PDHA1: variants seen among roughly 807,000 people sequenced by gnomAD.
PDHA1 encodes pyruvate dehydrogenase E1 subunit alpha 1.
A neutral mutation model predicts 33.0 loss-of-function variants in PDHA1; 1 was observed. That is an observed-to-expected ratio of 0.03 (90% CI 0.01 to 0.14). The LOEUF is 0.14. Among genes scored for constraint, PDHA1 ranks in the 10% least tolerant of loss-of-function variants. The pLI is 1.00. For synonymous variants in PDHA1, 123 were observed against 119.2 expected (o/e 1.03, Z -0.21); for missense variants, 168 against 325.1 (o/e 0.52, Z 3.72).
Position 19,343,966 on chromosome X carries a change from G to A in PDHA1, c.-72G>A, listed in dbSNP as rs778593749. ...GTGGCGTCTGCTGGGGCACCTGAAG[G>A]AGACTTGGGGGCACCCGCGTCGTGC... is the stretch of plus-strand genomic sequence containing the variant. On this transcript the variant is annotated 5_prime_UTR_variant, in exon 1 of 11. Transcript: ENST00000422285. The A allele has an allele frequency of 1.0e-6, 1 of 1,000,809 alleles. No homozygotes were observed. Among genetic ancestry groups the A allele is most frequent in the South Asian group, 2.0e-5 (1 of 51,204 alleles). 82.5% of individuals were successfully genotyped at this position (1,000,809 alleles called of 1,213,427 possible).
chrX:19,359,660 G>A lies in PDHA1; in HGVS notation c.*7G>A, dbSNP rs939163702. 1.7e-6 allele frequency: 2 copies of A among 1,201,078 alleles called. No homozygotes were observed. Among genetic ancestry groups the A allele is most frequent in the African/African-American group, 3.5e-5 (2 of 56,774 alleles). ...GTTTAAGTCAGTCAGTTAAGGGGAG[G>A]AGAAGGAGAGGTTATACCTTCAGGG... On this transcript the variant is annotated 3_prime_UTR_variant, in exon 11 of 11. Coordinates refer to ENST00000422285, the MANE Select transcript of PDHA1 (RefSeq NM_000284.4).
intron 8 of PDHA1, 70 bp downstream of exon 8, chrX:19,355,827 C>T: frequency 1.3e-6 from 1 of 785,498 alleles, no homozygotes. Flanking sequence ...TCCCATGTGC[C>T]TGCTGAAGCT....
rs2063192959 is a variant in PDHA1, at chrX:19,355,764, C to T, written c.831+7C>T. On this transcript the variant is annotated splice_region_variant and intron_variant, in intron 8 of 10. Coordinates refer to ENST00000422285, the MANE Select transcript of PDHA1 (RefSeq NM_000284.4). ...CTATTGTAGATCTGGGAAGGTAAGG[C>T]TCTAAAGCCCTCTGGGCTAGTGACA... 1 of 1,157,730 alleles carries T rather than the reference C, an allele frequency of 8.6e-7. No individual in the cohort carries two copies. The highest frequency in any genetic ancestry group is 2.2e-5 in the Admixed American group (1 of 45,861).
At chrX:19,355,316 C>G in intron 6 of PDHA1, 33 bp from the exon 7 acceptor site, 1 of 1,204,011 alleles carries the variant, frequency 8.3e-7, no homozygotes, top group Non-Finnish European at 1.1e-6. Context: ...GAGAAAGAAG[C>G]CAAATGAAAC....
intron 8 of PDHA1, 117 bp from the exon 9 acceptor site, chrX:19,357,535 T>C (rs778013969): frequency 3.5e-5 from 21 of 592,762 alleles, no homozygotes; most frequent in Admixed American, 1.8e-4. Context: ...ACTCAGAAGA[T>C]CTGATAAGAC....
rs1186419347 is a variant in PDHA1 at position 19,360,839 on chromosome X, A to C, written c.*1186A>C. On this transcript the variant is annotated 3_prime_UTR_variant, in exon 11 of 11. Coordinates refer to ENST00000422285, the MANE Select transcript of PDHA1 (RefSeq NM_000284.4). ...GTCTGCAGAGGAGACCACCCCTGGGAAACAAACACAGCTGTCTTCAGAGTC... is the reference window on the plus strand; with the variant it reads ...GTCTGCAGAGGAGACCACCCCTGGGCAACAAACACAGCTGTCTTCAGAGTC... The C allele has an allele frequency of 8.4e-7, 1 of 1,186,004 alleles. No individual in the cohort carries two copies. Among genetic ancestry groups the C allele is most frequent in the African/African-American group, 1.8e-5 (1 of 56,385 alleles).
Position 19,346,494 on chromosome X carries a change from A to AT in PDHA1, c.57+2410dup, listed in dbSNP as rs754393427. The AT allele has an allele frequency of 5.7e-3, 2,329 of 411,968 alleles. 19 individuals are homozygous for AT. The highest frequency in any genetic ancestry group is 0.036 in the South Asian group (814 of 22,669). The allele number at this position is 411,968 out of a possible 1,213,427, so 34.0% of individuals were successfully genotyped here. A position where few individuals can be genotyped will look rare whatever the true frequency, so the allele number is the denominator to read the frequency against. On this transcript the variant is annotated intron_variant, in intron 1 of 10. Coordinates refer to ENST00000422285, the MANE Select transcript of PDHA1 (RefSeq NM_000284.4). Reference sequence around the variant, plus strand: ...CCACCACACCCAGCCAATTAAAAAAATTTTTTTTTTACTAGAGACATGGTC... The same window carrying AT: ...CCACCACACCCAGCCAATTAAAAAAATTTTTTTTTTTACTAGAGACATGGTC...
At position 19,359,466 on chromosome X, in the gene PDHA1, T is replaced by C. The variant is rs5955760; in HGVS notation, c.1009-23T>C. Reference sequence around the variant, plus strand: ...AAGCTGCTGTTCATTCTAAAACCTTTTACACTGTTACCTAATTTTTAGGAA... The same window carrying C: ...AAGCTGCTGTTCATTCTAAAACCTTCTACACTGTTACCTAATTTTTAGGAA... On this transcript the variant is annotated intron_variant, in intron 10 of 10. Coordinates refer to ENST00000422285, the MANE Select transcript of PDHA1 (RefSeq NM_000284.4). 0.076 allele frequency: 90,172 copies of C among 1,191,427 alleles called. 10,795 individuals are homozygous for C. Among genetic ancestry groups the C allele is most frequent in the African/African-American group, 0.67 (37,650 of 56,263 alleles).
chrX:19,352,870 A>G, intron 4 of PDHA1: 1 of 457,477 alleles, frequency 2.2e-6, no homozygotes, highest in Non-Finnish European at 3.9e-6. Context: ...CTAAGTGACT[A>G]GAGAGTAGGA....
In PDHA1 at chrX:19,361,095, T is replaced by G; in HGVS notation, c.*1442T>G. The G allele has an allele frequency of 2.4e-6, 1 of 420,406 alleles. No homozygotes were observed. Among genetic ancestry groups the G allele is most frequent in the East Asian group, 3.9e-5 (1 of 25,437 alleles). The allele number at this position is 420,406 out of a possible 1,213,427, so 34.6% of individuals were successfully genotyped here. A position where few individuals can be genotyped will look rare whatever the true frequency, so the allele number is the denominator to read the frequency against. On this transcript the variant is annotated 3_prime_UTR_variant, in exon 11 of 11. Coordinates refer to ENST00000422285, the MANE Select transcript of PDHA1 (RefSeq NM_000284.4). ...GTCCAGCGTGCAGGCACGCTTGCCA[T>G]GTGCCTCCACCCACTCCCAGCCAGG...
In PDHA1 at chrX:19,361,089, T is replaced by C. The variant is rs996125838; in HGVS notation, c.*1436T>C. On this transcript the variant is annotated 3_prime_UTR_variant, in exon 11 of 11. Transcript: ENST00000422285. ...GGGTGGGTCCAGCGTGCAGGCACGCTTGCCATGTGCCTCCACCCACTCCCA... is the reference window on the plus strand; with the variant it reads ...GGGTGGGTCCAGCGTGCAGGCACGCCTGCCATGTGCCTCCACCCACTCCCA... 17 of 419,800 alleles carry C rather than the reference T, an allele frequency of 4.0e-5. No homozygotes were observed. The highest frequency in any genetic ancestry group is 1.9e-4 in the South Asian group (5 of 26,463). The allele number at this position is 419,800 out of a possible 1,213,427, so 34.6% of individuals were successfully genotyped here.
rs767503319 is a variant in PDHA1 at position 19,359,000 on chromosome X, T to C, written c.984T>C (p.Asn328=). 98 of 1,177,023 alleles carry C rather than the reference T, an allele frequency of 8.3e-5. No individual in the cohort carries two copies. Among genetic ancestry groups the C allele is most frequent in the Non-Finnish European group, 1.1e-4 (92 of 865,345 alleles). Residue 328 remains asparagine, a synonymous_variant, in exon 10 of 11, where the codon AAT becomes AAC. Transcript: ENST00000422285. The part of the protein sequence containing the change: ...MLLKDRMVNS[N]LASVEELKEI... ...TCAAGGACAGGATGGTGAACAGCAA[T>C]CTTGCCAGTGTGGAAGAACTAAAGG...
At chrX:19,352,488 G>A (rs138843964) in intron 4 of PDHA1, among the ~76,000 whole-genome samples, 15 of 104,821 alleles carry the variant, frequency 1.4e-4, no homozygotes, top group Admixed American at 1.0e-3. Flanking sequence ...CACCCTCTTC[G>A]GCCTCCCAAA....
At chrX:19,354,834 G>A (rs989168112) in intron 6 of PDHA1, among the ~76,000 whole-genome samples, 1 of 112,689 alleles carries the variant, frequency 8.9e-6, no homozygotes, top group Non-Finnish European at 1.9e-5. Flanking sequence ...CAAAGGCCCT[G>A]TGGTAAAGGA....
chrX:19,350,472 C>T (rs2063157464), intron 3 of PDHA1, among the ~76,000 whole-genome samples: 1 of 111,835 alleles, frequency 8.9e-6, no homozygotes. Flanking sequence ...CACTATGTTG[C>T]CCAGGCTAGT....
Position 19,361,000 on chromosome X carries a change from C to T in PDHA1, c.*1347C>T, listed in dbSNP as rs1241045421. On this transcript the variant is annotated 3_prime_UTR_variant, in exon 11 of 11. Transcript: ENST00000422285. ...AGGACATGGCCTTAGAGGTACGTAC[C>T]TGCAGAGAGCTGGCTATTTCAAATG... The T allele has an allele frequency of 5.4e-5, 23 of 425,075 alleles. No homozygotes were observed. Among genetic ancestry groups the T allele is most frequent in the Non-Finnish European group, 8.1e-5 (20 of 248,241 alleles). The allele number at this position is 425,075 out of a possible 1,213,427, so 35.0% of individuals were successfully genotyped here.
At chrX:19,352,321 G>GC (rs2063169356) in intron 4 of PDHA1, among the ~76,000 whole-genome samples, 1 of 103,017 alleles carries the variant, frequency 9.7e-6, no homozygotes, top group Non-Finnish European at 2.0e-5. Context: ...TGCAGCCTCC[G>GC]CCCCCCGGGT....
rs957655096 is a variant in PDHA1, at chrX:19,355,204, C to T, written c.604-145C>T. 54 of 682,807 alleles carry T rather than the reference C, an allele frequency of 7.9e-5. No individual in the cohort carries two copies. In the African/African-American group the frequency reaches 1.0e-3, roughly 13 times the overall value. 56.3% of individuals were successfully genotyped at this position (682,807 alleles called of 1,213,427 possible). ...CTCCTCCACCACCCACCCCGCTTTC[C>T]CTCACCACCCAAAGCTCGGTTTTAG... On this transcript the variant is annotated intron_variant, in intron 6 of 10. Transcript: ENST00000422285.
At chrX:19,348,043 A>C (rs931406656) in intron 1 of PDHA1, among the ~76,000 whole-genome samples, 24 of 112,586 alleles carry the variant, frequency 2.1e-4, no homozygotes, top group Admixed American at 3.8e-4. Flanking sequence ...TCTTCTCACC[A>C]AGATCAGTCC....
Sources: gnomAD v4.1 joint callset for allele counts (sites outside exome capture counted in the v4.1 genomes callset) on GRCh38, gnomAD v4.1.1 for gene constraint, MANE v1.5 for transcripts, NCBI Gene and HGNC (gene_info 2026-07-23, HGNC 2026-07-21) for gene names.